Variants in SEMA3A observed in about 807,000 individuals in gnomAD.
SEMA3A encodes semaphorin-3A.
SEMA3A carries 29 observed loss-of-function variants against 97.9 expected under a neutral mutation model. The observed-to-expected ratio is 0.30, with a 90% confidence interval of 0.22 to 0.40. The LOEUF (loss-of-function observed/expected upper bound fraction) is 0.40, where lower values mean the gene tolerates loss of function less well. SEMA3A is among the 10% of genes least tolerant of loss of function. SEMA3A has a pLI of 1.00. For missense variants in SEMA3A, 763 were observed against 951.3 expected, an observed-to-expected ratio of 0.80 and a Z score of 2.60; for synonymous variants, 321 against 323.7, an observed-to-expected ratio of 0.99 and a Z score of 0.09.
At chr7:84,002,084 A>G (rs773767660) in intron 11 of SEMA3A, 38 bp from the exon 12 acceptor site, 1 of 1,151,764 alleles carries the variant, frequency 8.7e-7, no homozygotes, top group Non-Finnish European at 1.3e-6. Flanking sequence ...CAAGTTAAGT[A>G]GATCTGAACA....
intron 3 of SEMA3A, among the ~76,000 whole-genome samples, chr7:84,208,138 G>T (rs952916738): frequency 2.0e-5 from 3 of 151,826 alleles, no homozygotes; most frequent in East Asian, 1.9e-4. Context: ...TTTGTACCAG[G>T]TTATATACTA....
chr7:83,991,335 G>C (rs538764642), intron 12 of SEMA3A, among the ~76,000 whole-genome samples: 1 of 151,702 alleles, frequency 6.6e-6, no homozygotes, highest in Non-Finnish European at 1.5e-5. Flanking sequence ...TAATTGCCCT[G>C]GCCAGAACTT....
intron 12 of SEMA3A, among the ~76,000 whole-genome samples, chr7:84,000,546 T>C (rs1790398954): frequency 6.6e-6 from 1 of 152,128 alleles, no homozygotes; most frequent in Non-Finnish European, 1.5e-5. Context: ...CTTTGATGCA[T>C]TACTGATAGT....
At chr7:84,332,170 T>C (rs1801924180) in intron 2 of SEMA3A, among the ~76,000 whole-genome samples, 1 of 152,160 alleles carries the variant, frequency 6.6e-6, no homozygotes, top group African/African-American at 2.4e-5. Flanking sequence ...CATTGAATCA[T>C]GTGATATGTT....
At chr7:84,341,225 C>T (rs894788729) in intron 2 of SEMA3A, among the ~76,000 whole-genome samples, 18 of 152,134 alleles carry the variant, frequency 1.2e-4, no homozygotes, top group African/African-American at 4.3e-4. Flanking sequence ...TCCCTTGTTC[C>T]GGCTGTTAGC....
intron 1 of SEMA3A, among the ~76,000 whole-genome samples, chr7:84,150,043 T>C (rs1796582577): frequency 2.6e-5 from 4 of 152,342 alleles, no homozygotes; most frequent in African/African-American, 9.6e-5. Context: ...TCTTTGTCAA[T>C]CACATCTTTG....
chr7:84,191,013 A>C (rs1002056740), intron 1 of SEMA3A, among the ~76,000 whole-genome samples: 11 of 150,530 alleles, frequency 7.3e-5, no homozygotes, highest in African/African-American at 1.9e-4. Flanking sequence ...AGTAAAGAAA[A>C]TCTTAAAGGA....
intron 6 of SEMA3A, among the ~76,000 whole-genome samples, chr7:84,031,095 C>T (rs1248582253): frequency 2.7e-5 from 4 of 146,688 alleles, no homozygotes; most frequent in East Asian, 4.1e-4. Context: ...CAGATGCAAG[C>T]GATTCCCATG....
At chr7:83,965,645 TA>T (rs1788647178) in intron 15 of SEMA3A, among the ~76,000 whole-genome samples, 28 of 10,012 alleles carry the variant, frequency 2.8e-3, no homozygotes, top group African/African-American at 0.011. Context: ...TATATATATA[TA>T]TATATATATA....
intron 4 of SEMA3A, among the ~76,000 whole-genome samples, chr7:84,062,466 C>T (rs189309891): frequency 2.0e-5 from 3 of 152,196 alleles, no homozygotes; most frequent in East Asian, 1.9e-4. Context: ...CCAGAGTGAG[C>T]GACGCAGAAG....
chr7:84,447,543 G>A (rs74818532), intron 1 of SEMA3A, among the ~76,000 whole-genome samples: 6,341 of 152,188 alleles, frequency 0.042, 151 homozygotes, highest in Non-Finnish European at 0.062. Flanking sequence ...TCAAACAGAC[G>A]TCAGAACTAC....
At chr7:84,153,092 T>C (rs914240235) in intron 1 of SEMA3A, among the ~76,000 whole-genome samples, 10 of 152,174 alleles carry the variant, frequency 6.6e-5, no homozygotes, top group African/African-American at 2.2e-4. Context: ...CCTCATTTAG[T>C]AAATCAGAAT....
At chr7:84,202,099 G>A (rs990840732) in intron 3 of SEMA3A, among the ~76,000 whole-genome samples, 17 of 152,110 alleles carry the variant, frequency 1.1e-4, no homozygotes, top group Non-Finnish European at 2.2e-4. Flanking sequence ...AAAACAATGA[G>A]TGTAGTTCTC....
At chr7:84,450,602 T>C (rs898750630) in intron 1 of SEMA3A, among the ~76,000 whole-genome samples, 2 of 152,224 alleles carry the variant, frequency 1.3e-5, no homozygotes, top group African/African-American at 4.8e-5. Context: ...CCATTGATTA[T>C]AGAATTCATT....
chr7:84,278,527 G>A (rs1800365692), intron 3 of SEMA3A, among the ~76,000 whole-genome samples: 1 of 152,026 alleles, frequency 6.6e-6, no homozygotes, highest in Non-Finnish European at 1.5e-5. Flanking sequence ...TATCTGATGT[G>A]GGTAATTTAT....
intron 1 of SEMA3A, among the ~76,000 whole-genome samples, chr7:84,176,691 G>C (rs1329183566): frequency 6.6e-6 from 1 of 152,138 alleles, no homozygotes; most frequent in Non-Finnish European, 1.5e-5. Context: ...CTGACAGGGA[G>C]CAATTCCTGT....
chr7:84,073,863 T>TAAAAAA (rs57789538), intron 4 of SEMA3A, among the ~76,000 whole-genome samples: 1 of 101,680 alleles, frequency 9.8e-6, no homozygotes, highest in African/African-American at 3.1e-5. Flanking sequence ...TAAAAAAAGC[T>TAAAAAA]AAAAAAAAAA....
chr7:84,190,766 T>G (rs889619415), intron 1 of SEMA3A, among the ~76,000 whole-genome samples: 2 of 148,874 alleles, frequency 1.3e-5, no homozygotes, highest in Middle Eastern at 3.6e-3. Flanking sequence ...ATTTAAAATA[T>G]CAATGTCATT....
intron 1 of SEMA3A, among the ~76,000 whole-genome samples, chr7:84,404,562 C>T (rs551398774): frequency 3.3e-5 from 5 of 152,054 alleles, no homozygotes; most frequent in South Asian, 2.1e-4. Flanking sequence ...AGATACTCCT[C>T]GAGAAGAGCA....
Sources: allele counts gnomAD v4.1 joint callset (sites outside exome capture counted in the v4.1 genomes callset), GRCh38; gene constraint gnomAD v4.1.1; transcripts MANE v1.5; gene names NCBI Gene and HGNC (gene_info 2026-07-23, HGNC 2026-07-21).